The following CHN1 variants were observed in gnomAD, a reference collection of about 807,000 sequenced individuals.
CHN1 encodes chimerin 1, also known as N-chimaerin.
In CHN1, 37 loss-of-function variants were observed where a neutral mutation model predicts 59.5. That is an observed-to-expected ratio of 0.62 (90% CI 0.48 to 0.82). The LOEUF (loss-of-function observed/expected upper bound fraction) is 0.82, where lower values mean the gene tolerates loss of function less well. Ranked by LOEUF, CHN1 falls within the 40% of genes least tolerant of loss-of-function variation. CHN1 has a pLI of 0.00. For missense variants in CHN1, 469 were observed against 571.0 expected, an observed-to-expected ratio of 0.82 and a Z score of 1.82; for synonymous variants, 206 against 200.4, an observed-to-expected ratio of 1.03 and a Z score of -0.24.
In CHN1 at chr2:174,801,892, T is replaced by A. The variant is rs556736510; in HGVS notation, c.1103-80A>T. On this transcript the variant is annotated intron_variant, in intron 11 of 12. Coordinates refer to ENST00000409900, the MANE Select transcript of CHN1 (RefSeq NM_001822.7). Reference sequence around the variant, plus strand: ...AATGGTTCACTGAATTCTATTCTTGTGATAATGCTCTGAAACTGGTAAGAA... The same window carrying A: ...AATGGTTCACTGAATTCTATTCTTGAGATAATGCTCTGAAACTGGTAAGAA... The A allele has an allele frequency of 5.8e-4, 607 of 1,044,038 alleles. 2 individuals carry two copies. In the East Asian group the frequency reaches 0.014, roughly 25 times the overall value. The allele number at this position is 1,044,038 out of a possible 1,614,324, so 64.7% of individuals were successfully genotyped here.
intron 1 of CHN1, among the ~76,000 whole-genome samples, chr2:174,978,130 T>C (rs529390258): frequency 1.3e-5 from 2 of 152,324 alleles, no homozygotes; most frequent in Non-Finnish European, 2.9e-5. Flanking sequence ...TATTTCCAAT[T>C]ACGTGAAAAA....
At chr2:174,879,901 A>T (rs930438719) in intron 5 of CHN1, among the ~76,000 whole-genome samples, 1 of 152,186 alleles carries the variant, frequency 6.6e-6, no homozygotes, top group Non-Finnish European at 1.5e-5. Flanking sequence ...AAATCTGAGA[A>T]GTATGGGGGG....
In CHN1 at chr2:174,846,258, CAAGTA is replaced by C; in HGVS notation, c.627+617_627+621del. 3.3e-6 allele frequency: 5 copies of C among 1,514,976 alleles called. No homozygotes were observed. In the Middle Eastern group the frequency reaches 5.2e-4, roughly 157 times the overall value. The allele number at this position is 1,514,976 out of a possible 1,614,324, so 93.8% of individuals were successfully genotyped here. A position where few individuals can be genotyped will look rare whatever the true frequency, so the allele number is the denominator to read the frequency against. On this transcript the variant is annotated intron_variant, in intron 7 of 12. Coordinates refer to ENST00000409900, the MANE Select transcript of CHN1 (RefSeq NM_001822.7). ...ACACATATCACCTTGAAAGAAAATT[CAAGTA>C]CAGTTGATAAACCACATTAACACAA...
intron 11 of CHN1, among the ~76,000 whole-genome samples, chr2:174,805,821 TACTA>T (rs1684867915): frequency 7.6e-6 from 1 of 132,426 alleles, no homozygotes; most frequent in Admixed American, 9.1e-5. Flanking sequence ...GCTGAGGAAA[TACTA>T]ACAAGTTCTC....
intron 7 of CHN1, among the ~76,000 whole-genome samples, chr2:174,833,301 A>G (rs189568529): frequency 2.6e-5 from 4 of 152,288 alleles, no homozygotes; most frequent in African/African-American, 9.6e-5. Flanking sequence ...TTAATTTTAC[A>G]TTCTTCATTC....
chr2:174,981,953 C>A (rs182540739), intron 1 of CHN1, among the ~76,000 whole-genome samples: 8 of 152,272 alleles, frequency 5.3e-5, no homozygotes, highest in Non-Finnish European at 1.0e-4. Context: ...CTGCTCCCCC[C>A]ACCCCACGAC....
chr2:175,005,250 G>A lies in CHN1; in HGVS notation c.-338C>T. On this transcript the variant is annotated 5_prime_UTR_variant, in exon 1 of 13. Coordinates refer to ENST00000409900, the MANE Select transcript of CHN1 (RefSeq NM_001822.7). ...GCCGCGGCGCAGTGGCTGGCGGAGAGGCGGCGCCGCACTGGCGGCGGCGGC... is the reference window on the plus strand; with the variant it reads ...GCCGCGGCGCAGTGGCTGGCGGAGAAGCGGCGCCGCACTGGCGGCGGCGGC... 8.5e-7 allele frequency: 1 copy of A among 1,176,434 alleles called. No homozygotes were observed. The highest frequency in any genetic ancestry group is 1.1e-6 in the Non-Finnish European group (1 of 950,048). 72.9% of individuals were successfully genotyped at this position (1,176,434 alleles called of 1,614,324 possible). A position where few individuals can be genotyped will look rare whatever the true frequency, so the allele number is the denominator to read the frequency against.
chr2:174,960,222 CAATT>C (rs530425664), intron 1 of CHN1, among the ~76,000 whole-genome samples: 392 of 152,232 alleles, frequency 2.6e-3, no homozygotes, highest in Non-Finnish European at 4.3e-3. Flanking sequence ...TCATTGTAAA[CAATT>C]AATTAAGGAT....
At chr2:174,834,435 G>A (rs1236349004) in intron 7 of CHN1, among the ~76,000 whole-genome samples, 1 of 151,978 alleles carries the variant, frequency 6.6e-6, no homozygotes. Flanking sequence ...TAATATTCTT[G>A]TAGTACCAGT....
chr2:174,846,423 G>C (rs1686517975), intron 7 of CHN1: 1 of 1,537,316 alleles, frequency 6.5e-7, no homozygotes, highest in African/African-American at 1.4e-5. Context: ...ATTAACAGGG[G>C]AGAAAAGACA....
At chr2:174,933,090 C>T (rs1689398494) in intron 3 of CHN1, among the ~76,000 whole-genome samples, 1 of 152,128 alleles carries the variant, frequency 6.6e-6, no homozygotes, top group Non-Finnish European at 1.5e-5. Context: ...GAAGGTGAAG[C>T]TCAGTTCTGT....
intron 5 of CHN1, among the ~76,000 whole-genome samples, chr2:174,890,194 T>G (rs1688006204): frequency 6.6e-6 from 1 of 151,960 alleles, no homozygotes; most frequent in Non-Finnish European, 1.5e-5. Context: ...ACCTTAGATG[T>G]AAAAACACAC....
At chr2:174,949,674 T>G (rs564560259) in intron 2 of CHN1, among the ~76,000 whole-genome samples, 32 of 152,292 alleles carry the variant, frequency 2.1e-4, no homozygotes, top group Non-Finnish European at 3.5e-4. Flanking sequence ...CTGCAATTTT[T>G]ATGTTTCCTC....
In CHN1 at chr2:175,005,084, C is replaced by T; in HGVS notation, c.-172G>A. 1 of 1,336,114 alleles carries T rather than the reference C, an allele frequency of 7.5e-7. No homozygotes were observed. Among genetic ancestry groups the T allele is most frequent in the Non-Finnish European group, 9.6e-7 (1 of 1,042,504 alleles). 82.8% of individuals were successfully genotyped at this position (1,336,114 alleles called of 1,614,324 possible). A position where few individuals can be genotyped will look rare whatever the true frequency, so the allele number is the denominator to read the frequency against. ...CAGGCCGGGACGCGGGGGACCGCTG[C>T]AAGAAAAAGTTATTCACGCGTTATT... is the stretch of plus-strand genomic sequence containing the variant. On this transcript the variant is annotated 5_prime_UTR_variant, in exon 1 of 13. Transcript: ENST00000409900.
intron 6 of CHN1, chr2:174,847,244 G>A (rs527801658): frequency 4.3e-6 from 6 of 1,409,596 alleles, no homozygotes; most frequent in Non-Finnish European, 5.5e-6. Context: ...CCTACAGAGA[G>A]CTGCAGAGAA....
At chr2:174,979,597 G>A (rs992863099) in intron 1 of CHN1, among the ~76,000 whole-genome samples, 1 of 152,078 alleles carries the variant, frequency 6.6e-6, no homozygotes, top group Non-Finnish European at 1.5e-5. Context: ...GGCAGATCAC[G>A]AGGTCAAGAG....
At chr2:174,918,799 A>C (rs1688921733) in intron 3 of CHN1, among the ~76,000 whole-genome samples, 1 of 152,238 alleles carries the variant, frequency 6.6e-6, no homozygotes, top group Non-Finnish European at 1.5e-5. Flanking sequence ...GGACTAAACT[A>C]TCTTTAGTTT....
chr2:174,872,986 AG>A (rs2105467508), intron 6 of CHN1, among the ~76,000 whole-genome samples: 1 of 152,106 alleles, frequency 6.6e-6, no homozygotes, highest in East Asian at 1.9e-4. Context: ...AAGGAGGTTA[AG>A]GACTTGTTCA....
At chr2:174,851,965 T>C (rs1258723238) in intron 6 of CHN1, among the ~76,000 whole-genome samples, 1 of 152,044 alleles carries the variant, frequency 6.6e-6, no homozygotes, top group Non-Finnish European at 1.5e-5. Flanking sequence ...ATAATGTCCA[T>C]GCTGAGAGTC....
Sources: allele counts gnomAD v4.1 joint callset (sites outside exome capture counted in the v4.1 genomes callset), GRCh38; gene constraint gnomAD v4.1.1; transcripts MANE v1.5; gene names NCBI Gene and HGNC (gene_info 2026-07-23, HGNC 2026-07-21).